The following CSGALNACT2 variants were observed in gnomAD, a reference collection of about 807,000 sequenced individuals.
The protein encoded by CSGALNACT2 is beta 4 GalNAcT-2.
In CSGALNACT2, 35 loss-of-function variants were observed where a neutral mutation model predicts 55.3. The ratio of observed to expected loss-of-function variants is 0.63; its 90% CI spans 0.48 to 0.84. The LOEUF (loss-of-function observed/expected upper bound fraction) is 0.84, where lower values mean the gene tolerates loss of function less well. Among genes scored for constraint, CSGALNACT2 ranks in the 40% least tolerant of loss-of-function variants. CSGALNACT2 has a pLI of 0.00. For synonymous variants in CSGALNACT2, 196 were observed against 224.9 expected (o/e 0.87, Z 1.15); for missense variants, 544 against 657.5 (o/e 0.83, Z 1.89).
chr10:43,145,410 CTTTTTTTTTT>C (rs71016727), intron 1 of CSGALNACT2, among the ~76,000 whole-genome samples: 2 of 99,420 alleles, frequency 2.0e-5, no homozygotes, highest in South Asian at 3.7e-4. Flanking sequence ...TTGTTTGTTT[CTTTTTTTTTT>C]TTTTTTTTTT....
rs768463129 is a variant in CSGALNACT2, at chr10:43,158,857, T to A, written c.804T>A (p.Thr268=). Reference sequence around the variant, plus strand: ...TGAAGAGTGAGATGATTGACATCACTAGATCAATTATTAATATCATTGTGC... The same window carrying A: ...TGAAGAGTGAGATGATTGACATCACAAGATCAATTATTAATATCATTGTGC... ...MKVKSEMIDI[T]RSIINIIVPL... The change falls in exon 3 of 8, where the codon ACT becomes ACA. Residue 268 remains threonine (T), a synonymous_variant. Coordinates refer to ENST00000374466, the MANE Select transcript of CSGALNACT2 (RefSeq NM_018590.5). 2 of 1,611,908 alleles carry A rather than the reference T, an allele frequency of 1.2e-6. No homozygotes were observed. The highest frequency in any genetic ancestry group is 1.1e-5 in the South Asian group (1 of 91,066).
At chr10:43,138,937 G>A (rs937141104) in intron 1 of CSGALNACT2, among the ~76,000 whole-genome samples, 2 of 152,184 alleles carry the variant, frequency 1.3e-5, no homozygotes, top group African/African-American at 4.8e-5. Flanking sequence ...CAGAGCGAGC[G>A]CCGGTAAAGA....
At chr10:43,182,715 C>CA (rs773763712) in intron 7 of CSGALNACT2, among the ~76,000 whole-genome samples, 7,026 of 127,986 alleles carry the variant, frequency 0.055, 381 homozygotes, top group African/African-American at 0.15. Flanking sequence ...CCATCTCCAC[C>CA]AAAAAAAAAA....
At chr10:43,172,961 G>T (rs1839411112) in intron 6 of CSGALNACT2, among the ~76,000 whole-genome samples, 1 of 152,208 alleles carries the variant, frequency 6.6e-6, no homozygotes, top group Admixed American at 6.5e-5. Flanking sequence ...GGTGTTTGGA[G>T]CACAGCCGGT....
At chr10:43,169,108 G>A (rs1245629966) in intron 6 of CSGALNACT2, among the ~76,000 whole-genome samples, 2 of 152,206 alleles carry the variant, frequency 1.3e-5, no homozygotes, top group Non-Finnish European at 2.9e-5. Context: ...TGGAGCTGGA[G>A]AGGCTGGTCG....
chr10:43,143,653 G>A (rs1269345350), intron 1 of CSGALNACT2, among the ~76,000 whole-genome samples: 1 of 152,068 alleles, frequency 6.6e-6, no homozygotes, highest in Non-Finnish European at 1.5e-5. Flanking sequence ...AGATTACATA[G>A]CTATTAAGTA....
At chr10:43,167,649 C>A (rs1019306379) in intron 6 of CSGALNACT2, among the ~76,000 whole-genome samples, 2 of 152,050 alleles carry the variant, frequency 1.3e-5, no homozygotes, top group African/African-American at 4.8e-5. Context: ...ATACTTCACC[C>A]AGTTTCCTCT....
chr10:43,145,099 G>C (rs12765715), intron 1 of CSGALNACT2, among the ~76,000 whole-genome samples: 26,348 of 152,108 alleles, frequency 0.17, 2,514 homozygotes, highest in Admixed American at 0.25. Context: ...CCTAGAAGCT[G>C]CTATGAACAT....
intron 1 of CSGALNACT2, among the ~76,000 whole-genome samples, chr10:43,154,659 A>G (rs977518930): frequency 6.6e-6 from 1 of 152,086 alleles, no homozygotes; most frequent in Non-Finnish European, 1.5e-5. Flanking sequence ...CCCAGGAGGC[A>G]GAGGTTGCAG....
intron 4 of CSGALNACT2, chr10:43,162,960 T>G: frequency 1.0e-6 from 1 of 985,396 alleles, no homozygotes; most frequent in African/African-American, 1.7e-5. Context: ...GAGGTACTCT[T>G]CACTCTGACC....
chr10:43,166,688 C>T (rs1467457491), intron 5 of CSGALNACT2, among the ~76,000 whole-genome samples: 1 of 152,134 alleles, frequency 6.6e-6, no homozygotes. Context: ...ACGTTTATTA[C>T]TACTGATTAG....
intron 6 of CSGALNACT2, among the ~76,000 whole-genome samples, chr10:43,168,374 C>G (rs947634739): frequency 2.0e-5 from 3 of 152,038 alleles, no homozygotes; most frequent in Admixed American, 2.0e-4. Flanking sequence ...TCACTTGAAC[C>G]TGGGAGGCGG....
chr10:43,173,645 G>A (rs942166757), intron 6 of CSGALNACT2, among the ~76,000 whole-genome samples: 4 of 152,048 alleles, frequency 2.6e-5, no homozygotes, highest in African/African-American at 9.7e-5. Flanking sequence ...AGATGTCAAA[G>A]TGGGTGTTTT....
intron 4 of CSGALNACT2, chr10:43,163,602 T>G (rs912946343): frequency 1.0e-6 from 1 of 985,286 alleles, no homozygotes; most frequent in African/African-American, 1.7e-5. Context: ...CCAAAAGGTG[T>G]TTAAGATTCC....
chr10:43,175,629 A>T (rs1166574159), intron 6 of CSGALNACT2, among the ~76,000 whole-genome samples: 1 of 152,222 alleles, frequency 6.6e-6, no homozygotes, highest in Non-Finnish European at 1.5e-5. Context: ...GATACTGGGT[A>T]GGCACCAGAT....
At chr10:43,174,088 T>A (rs1157535229) in intron 6 of CSGALNACT2, among the ~76,000 whole-genome samples, 1 of 152,108 alleles carries the variant, frequency 6.6e-6, no homozygotes, top group Non-Finnish European at 1.5e-5. Flanking sequence ...ATTGAAAGCT[T>A]GTCATGTGCC....
Position 43,184,402 on chromosome 10 carries a change from A to G in CSGALNACT2, c.*860A>G, listed in dbSNP as rs991177401. 6.6e-6 allele frequency: 1 copy of G among 152,238 alleles called. No homozygotes were observed. Among genetic ancestry groups the G allele is most frequent in the African/African-American group, 2.4e-5 (1 of 41,470 alleles). 9.4% of individuals were successfully genotyped at this position (152,238 alleles called of 1,614,324 possible). On this transcript the variant is annotated 3_prime_UTR_variant, in exon 8 of 8. Transcript: ENST00000374466. ...CCATGGTGGTTCAGAATAGATGAGC[A>G]TAGCATGGTTTTGTTTGTTTTTGCT...
chr10:43,150,873 A>G (rs1171053712), intron 1 of CSGALNACT2, among the ~76,000 whole-genome samples: 1 of 152,146 alleles, frequency 6.6e-6, no homozygotes, highest in African/African-American at 2.4e-5. Context: ...GAGCTTATCA[A>G]TGCTTTGTTT....
rs949233174 is a variant in CSGALNACT2, at chr10:43,144,843, T to C, written c.-254+6276T>C. On this transcript the variant is annotated intron_variant, in intron 1 of 7. Coordinates refer to ENST00000374466, the MANE Select transcript of CSGALNACT2 (RefSeq NM_018590.5). ...CACAGGCAATCATTGACTGATTTAC[T>C]TTCAGTTAACTACAAATTACCTTGC... 2.6e-5 allele frequency among the ~76,000 whole-genome samples: 4 copies of C among 152,218 alleles called. No homozygotes were observed. The South Asian group carries it at 6.2e-4, about 24-fold the overall frequency.
Sources: gnomAD v4.1 joint callset for allele counts (sites outside exome capture counted in the v4.1 genomes callset) on GRCh38, gnomAD v4.1.1 for gene constraint, MANE v1.5 for transcripts, NCBI Gene and HGNC (gene_info 2026-07-23, HGNC 2026-07-21) for gene names.